KCNJ15: variants seen among roughly 807,000 people sequenced by gnomAD.
The protein encoded by KCNJ15 is potassium inwardly rectifying channel subfamily J member 15.
KCNJ15 carries 14 observed loss-of-function variants against 23.0 expected under a neutral mutation model. That is an observed-to-expected ratio of 0.61 (90% CI 0.40 to 0.95). The LOEUF is 0.95. Ranked by LOEUF, KCNJ15 falls within the 40% of genes least tolerant of loss-of-function variation. The pLI is 0.00. For synonymous variants in KCNJ15, 185 were observed against 183.2 expected (o/e 1.01, Z -0.08); for missense variants, 388 against 461.8 (o/e 0.84, Z 1.46).
chr21:38,249,216 C>T (rs768595551), intron 1 of KCNJ15, among the ~76,000 whole-genome samples: 32 of 152,100 alleles, frequency 2.1e-4, no homozygotes, highest in Non-Finnish European at 3.7e-4. Flanking sequence ...TACCACTGAG[C>T]AATTTGAAAA....
intron 1 of KCNJ15, among the ~76,000 whole-genome samples, chr21:38,292,660 G>A (rs1984725282): frequency 6.6e-6 from 1 of 152,076 alleles, no homozygotes; most frequent in African/African-American, 2.4e-5. Context: ...AACATTCAGA[G>A]TTTACATTAA....
At chr21:38,271,676 G>A (rs1024199705) in intron 1 of KCNJ15, among the ~76,000 whole-genome samples, 2 of 152,196 alleles carry the variant, frequency 1.3e-5, no homozygotes, top group East Asian at 1.9e-4. Context: ...AAGGCAATGA[G>A]CTTGTGTGCT....
intron 1 of KCNJ15, among the ~76,000 whole-genome samples, chr21:38,231,395 T>G (rs575639857): frequency 6.6e-6 from 1 of 152,018 alleles, no homozygotes; most frequent in African/African-American, 2.4e-5. Context: ...ATATAAGAAC[T>G]TTTCCTTATG....
chr21:38,237,043 A>T (rs186918552), intron 1 of KCNJ15, among the ~76,000 whole-genome samples: 50 of 152,268 alleles, frequency 3.3e-4, no homozygotes, highest in African/African-American at 1.1e-3. Context: ...ACTCTGTGTT[A>T]CAAGAGGGCT....
chr21:38,270,114 C>T (rs961805243), intron 1 of KCNJ15, among the ~76,000 whole-genome samples: 2 of 152,152 alleles, frequency 1.3e-5, no homozygotes, highest in Non-Finnish European at 2.9e-5. Context: ...CCCTTCAAGG[C>T]CTGTCAAGAC....
chr21:38,280,582 G>A (rs1259083826), intron 1 of KCNJ15, among the ~76,000 whole-genome samples: 1 of 152,162 alleles, frequency 6.6e-6, no homozygotes, highest in South Asian at 2.1e-4. Flanking sequence ...TGATGACTAG[G>A]TGTGGTCAAA....
chr21:38,284,592 C>T (rs1385273848), intron 1 of KCNJ15, among the ~76,000 whole-genome samples: 1 of 152,226 alleles, frequency 6.6e-6, no homozygotes, highest in Non-Finnish European at 1.5e-5. Context: ...ATTCCCTATG[C>T]TGCGTTTAAC....
intron 1 of KCNJ15, among the ~76,000 whole-genome samples, chr21:38,288,040 T>TTTTTC (rs1984148107): frequency 2.3e-5 from 2 of 86,156 alleles, no homozygotes; most frequent in South Asian, 5.4e-4. Context: ...GTTTTTTTTT[T>TTTTTC]TTTTTTTTTT....
At position 38,302,647 on chromosome 21, in the gene KCNJ15, G is replaced by T. The variant is rs1985883236; in HGVS notation, c.*2258G>T. ...ATAATCAACAAAAAATAATGCCACG[G>T]GCATGTTTACACCTTTTCTGTTGCA... On this transcript the variant is annotated 3_prime_UTR_variant, in exon 3 of 3. Coordinates refer to ENST00000398938, the MANE Select transcript of KCNJ15 (RefSeq NM_170736.3). 2 of 151,994 alleles carry T rather than the reference G, an allele frequency of 1.3e-5. No homozygotes were observed. Among genetic ancestry groups the T allele is most frequent in the Admixed American group, 6.6e-5 (1 of 15,264 alleles). 9.4% of individuals were successfully genotyped at this position (151,994 alleles called of 1,614,324 possible). A position where few individuals can be genotyped will look rare whatever the true frequency, so the allele number is the denominator to read the frequency against.
rs1986060180 is a variant in KCNJ15 at position 38,306,458 on chromosome 21, T to C, written c.*6069T>C. On this transcript the variant is annotated 3_prime_UTR_variant, in exon 3 of 3. Coordinates refer to ENST00000398938, the MANE Select transcript of KCNJ15 (RefSeq NM_170736.3). Reference sequence around the variant, plus strand: ...TTACTTTATGCAAATTTACTTAATATTATAGAAGAGTAAAGAGCTTCCAAG... The same window carrying C: ...TTACTTTATGCAAATTTACTTAATACTATAGAAGAGTAAAGAGCTTCCAAG... 1 of 152,098 alleles carries C rather than the reference T, an allele frequency of 6.6e-6. No homozygotes were observed. The highest frequency in any genetic ancestry group is 2.4e-5 in the African/African-American group (1 of 41,428). 9.4% of individuals were successfully genotyped at this position (152,098 alleles called of 1,614,324 possible).
At chr21:38,231,232 AT>A (rs1988729545) in intron 1 of KCNJ15, among the ~76,000 whole-genome samples, 1 of 151,880 alleles carries the variant, frequency 6.6e-6, no homozygotes, top group African/African-American at 2.4e-5. Context: ...TGCTTTCTTA[AT>A]TTCTTTTCAG....
At chr21:38,237,848 C>A (rs1474667637) in intron 1 of KCNJ15, among the ~76,000 whole-genome samples, 2 of 152,130 alleles carry the variant, frequency 1.3e-5, no homozygotes, top group Non-Finnish European at 1.5e-5. Flanking sequence ...CACAGCAGGG[C>A]CCAGTGAGTG....
intron 1 of KCNJ15, among the ~76,000 whole-genome samples, chr21:38,257,513 A>C (rs564354712): frequency 6.6e-6 from 1 of 152,360 alleles, no homozygotes; most frequent in South Asian, 2.1e-4. Flanking sequence ...AGGGTCTGTC[A>C]GAGCAAGTTT....
At chr21:38,293,006 A>G (rs1601243376) in intron 1 of KCNJ15, among the ~76,000 whole-genome samples, 2 of 151,698 alleles carry the variant, frequency 1.3e-5, no homozygotes, top group African/African-American at 4.8e-5. Context: ...AGAACTTTAT[A>G]TCTTTCCTTT....
intron 1 of KCNJ15, among the ~76,000 whole-genome samples, chr21:38,250,995 C>T (rs1979789301): frequency 1.3e-5 from 2 of 152,276 alleles, no homozygotes; most frequent in Non-Finnish European, 2.9e-5. Context: ...GCCTAGGAGC[C>T]TCCCTGTACA....
intron 1 of KCNJ15, among the ~76,000 whole-genome samples, chr21:38,279,773 T>A (rs1337918404): frequency 6.6e-6 from 1 of 152,160 alleles, no homozygotes; most frequent in Non-Finnish European, 1.5e-5. Context: ...TTAGACAAAC[T>A]CATTGTCTCT....
chr21:38,302,620 G>C lies in KCNJ15; in HGVS notation c.*2231G>C, dbSNP rs1191057665. 6.6e-6 allele frequency: 1 copy of C among 151,996 alleles called. No homozygotes were observed. Among genetic ancestry groups the C allele is most frequent in the Non-Finnish European group, 1.5e-5 (1 of 68,008 alleles). 9.4% of individuals were successfully genotyped at this position (151,996 alleles called of 1,614,324 possible). ...CTTGCTATTTTTACTGTATAGTGTG[G>C]TATAATCAACAAAAAATAATGCCAC... is the stretch of plus-strand genomic sequence containing the variant. On this transcript the variant is annotated 3_prime_UTR_variant, in exon 3 of 3. Transcript: ENST00000398938.
intron 1 of KCNJ15, among the ~76,000 whole-genome samples, chr21:38,261,873 T>C (rs1980937977): frequency 6.6e-6 from 1 of 152,224 alleles, no homozygotes; most frequent in Admixed American, 6.5e-5. Flanking sequence ...CCCAGTGGAA[T>C]ATCTGTGTCT....
intron 1 of KCNJ15, among the ~76,000 whole-genome samples, chr21:38,240,602 A>C (rs1978932244): frequency 6.6e-6 from 1 of 152,220 alleles, no homozygotes; most frequent in Non-Finnish European, 1.5e-5. Flanking sequence ...CTTCCAAAAC[A>C]GTTTTAATTT....
Sources: allele counts gnomAD v4.1 joint callset (sites outside exome capture counted in the v4.1 genomes callset), GRCh38; gene constraint gnomAD v4.1.1; transcripts MANE v1.5; gene names NCBI Gene and HGNC (gene_info 2026-07-23, HGNC 2026-07-21).